ASIC5: variants seen among roughly 807,000 people sequenced by gnomAD.
ASIC5 encodes the protein acid sensing ion channel subunit family member 5, also known as bile acid-sensitive ion channel.
A neutral mutation model predicts 51.2 loss-of-function variants in ASIC5; 52 were observed. The ratio of observed to expected loss-of-function variants is 1.02; its 90% CI spans 0.81 to 1.28. The LOEUF is 1.28. Ranked by LOEUF, ASIC5 falls within the 50% of genes most tolerant of loss-of-function variation. ASIC5 has a pLI of 0.00. For missense variants in ASIC5, 635 were observed against 595.0 expected, an observed-to-expected ratio of 1.07 and a Z score of -0.70; for synonymous variants, 231 against 200.7, an observed-to-expected ratio of 1.15 and a Z score of -1.28.
intron 1 of ASIC5, among the ~76,000 whole-genome samples, chr4:155,863,979 A>G (rs1304163885): frequency 6.6e-6 from 1 of 152,178 alleles, no homozygotes; most frequent in East Asian, 1.9e-4. Context: ...CTATTCATAG[A>G]ACGGCTATTA....
At position 155,854,369 on chromosome 4, in the gene ASIC5, GA is replaced by G. The variant is rs2110738478; in HGVS notation, c.348-56del. ...AATAATGAAAACTTATAATTATCTG[GA>G]AGACAGATACCAACATCTAGATTCT... On this transcript the variant is annotated intron_variant, in intron 2 of 9. Transcript: ENST00000537611. 5 of 1,150,272 alleles carry G rather than the reference GA, an allele frequency of 4.3e-6. No homozygotes were observed. In the East Asian group the frequency reaches 1.2e-4, roughly 27 times the overall value. 71.3% of individuals were successfully genotyped at this position (1,150,272 alleles called of 1,614,324 possible). A position where few individuals can be genotyped will look rare whatever the true frequency, so the allele number is the denominator to read the frequency against.
chr4:155,839,204 A>G (rs1235476057), intron 6 of ASIC5, among the ~76,000 whole-genome samples: 1 of 152,156 alleles, frequency 6.6e-6, no homozygotes, highest in African/African-American at 2.4e-5. Context: ...CTCATTTGAT[A>G]TGGTTCACAA....
At chr4:155,854,968 T>C (rs1741492446) in intron 2 of ASIC5, 1 of 152,200 alleles carries the variant, frequency 6.6e-6, no homozygotes, top group African/African-American at 2.4e-5. Context: ...CTTGTATTTG[T>C]TTCCCCGACT....
chr4:155,864,449 G>T (rs1292466664), intron 1 of ASIC5: 2 of 151,830 alleles, frequency 1.3e-5, no homozygotes, highest in African/African-American at 4.8e-5. Context: ...AAATTTTTTT[G>T]GCAATATATG....
chr4:155,846,644 G>T (rs1741249887), intron 4 of ASIC5, among the ~76,000 whole-genome samples: 1 of 152,020 alleles, frequency 6.6e-6, no homozygotes, highest in Non-Finnish European at 1.5e-5. Flanking sequence ...TTTTATTTTT[G>T]CAATGGCAGT....
chr4:155,841,668 T>G (rs1019650061), intron 6 of ASIC5, among the ~76,000 whole-genome samples: 4 of 152,302 alleles, frequency 2.6e-5, no homozygotes, highest in Non-Finnish European at 2.9e-5. Context: ...TGGTAAGACA[T>G]ATCCATGATC....
chr4:155,831,533 A>T (rs1740869602), intron 9 of ASIC5, among the ~76,000 whole-genome samples: 1 of 152,186 alleles, frequency 6.6e-6, no homozygotes, highest in African/African-American at 2.4e-5. Flanking sequence ...GCACCTCAGG[A>T]GGCCAATGTG....
chr4:155,860,271 A>G (rs75067033), intron 2 of ASIC5, among the ~76,000 whole-genome samples: 4,873 of 151,916 alleles, frequency 0.032, 92 homozygotes, highest in Non-Finnish European at 0.047. Flanking sequence ...TATGTTTGTG[A>G]TAATATAATT....
rs114992111 is a variant in ASIC5, at chr4:155,836,284, T to C, written c.1235+405A>G. On this transcript the variant is annotated intron_variant, in intron 8 of 9. Transcript: ENST00000537611. ...TTTCTTAAAATACGATGTCCTTCAG[T>C]TTCCTCTTCTGTAAAATTAGAATAT... Among the ~76,000 whole-genome samples, 1,058 of 152,354 alleles carry C rather than the reference T, an allele frequency of 6.9e-3. 5 individuals carry two copies. Among genetic ancestry groups the C allele is most frequent in the Non-Finnish European group, 0.011 (775 of 68,028 alleles).
chr4:155,839,795 A>G (rs1741075975), intron 6 of ASIC5, among the ~76,000 whole-genome samples: 1 of 152,174 alleles, frequency 6.6e-6, no homozygotes, highest in Non-Finnish European at 1.5e-5. Flanking sequence ...TGCTCTGGCA[A>G]TAATATTTCT....
chr4:155,843,845 T>A lies in ASIC5; in HGVS notation c.712-15A>T. 1 of 1,612,984 alleles carries A rather than the reference T, an allele frequency of 6.2e-7. No individual in the cohort carries two copies. The highest frequency in any genetic ancestry group is 8.5e-7 in the Non-Finnish European group (1 of 1,179,390). ...GTGAATGCCTCCTGAAACAAAAATA[T>A]GTTTTTGCCCAAATTGCAAATTGAC... is the stretch of plus-strand genomic sequence containing the variant. On this transcript the variant is annotated splice_polypyrimidine_tract_variant and intron_variant, in intron 4 of 9. Transcript: ENST00000537611.
chr4:155,859,633 A>AC (rs900780943), intron 2 of ASIC5, among the ~76,000 whole-genome samples: 4 of 152,066 alleles, frequency 2.6e-5, no homozygotes, highest in African/African-American at 9.7e-5. Flanking sequence ...GTTAAGCTTT[A>AC]CTTTTTTTTC....
chr4:155,856,317 A>G (rs1741538566), intron 2 of ASIC5, among the ~76,000 whole-genome samples: 1 of 152,084 alleles, frequency 6.6e-6, no homozygotes. Flanking sequence ...CAATGTATAC[A>G]TATAATTTTT....
intron 8 of ASIC5, among the ~76,000 whole-genome samples, chr4:155,835,414 A>G (rs1412626863): frequency 3.6e-3 from 1 of 276 alleles, no homozygotes; most frequent in Non-Finnish European, 0.012. Context: ...GAGTTTTGGA[A>G]AAAAAAAAAA....
rs551895958 is a variant in ASIC5 at position 155,860,524 on chromosome 4, A to G, written c.347+2924T>C. ...GTATAATGTTTAAAGTGGGAATCCA[A>G]ATTATCTTTCTGTAAAATTATACTT... On this transcript the variant is annotated intron_variant, in intron 2 of 9. Transcript: ENST00000537611. 5.1e-4 allele frequency among the ~76,000 whole-genome samples: 77 copies of G among 151,972 alleles called. 4 individuals carry two copies. The South Asian group carries it at 0.015, about 30-fold the overall frequency.
At chr4:155,832,388 C>T (rs946939595) in intron 8 of ASIC5, among the ~76,000 whole-genome samples, 7 of 152,082 alleles carry the variant, frequency 4.6e-5, no homozygotes, top group African/African-American at 1.4e-4. Context: ...CAGAGCCTGA[C>T]GTATATTGGG....
intron 7 of ASIC5, among the ~76,000 whole-genome samples, chr4:155,837,793 T>TCA (rs996919656): frequency 6.6e-6 from 1 of 151,652 alleles, no homozygotes; most frequent in African/African-American, 2.4e-5. Context: ...GCACATACTC[T>TCA]CACACACACA....
intron 2 of ASIC5, chr4:155,855,310 C>T (rs1741505253): frequency 6.6e-6 from 1 of 151,874 alleles, no homozygotes; most frequent in South Asian, 2.1e-4. Context: ...AGACACCTGC[C>T]TGGAATATAG....
intron 4 of ASIC5, among the ~76,000 whole-genome samples, chr4:155,846,785 C>T (rs1484294870): frequency 6.6e-6 from 1 of 151,732 alleles, no homozygotes; most frequent in Admixed American, 6.6e-5. Context: ...AAGTTATATT[C>T]AGTTAAATAA....
Sources: gnomAD v4.1 joint callset for allele counts (sites outside exome capture counted in the v4.1 genomes callset) on GRCh38, gnomAD v4.1.1 for gene constraint, MANE v1.5 for transcripts, NCBI Gene and HGNC (gene_info 2026-07-23, HGNC 2026-07-21) for gene names.